KCNK3: variants seen among roughly 807,000 people sequenced by gnomAD.
KCNK3 encodes the protein potassium channel subfamily K member 3.
A neutral mutation model predicts 27.3 loss-of-function variants in KCNK3; 9 were observed. That is an observed-to-expected ratio of 0.33 (90% CI 0.20 to 0.57). KCNK3 has a LOEUF of 0.57. Among genes scored for constraint, KCNK3 ranks in the 20% least tolerant of loss-of-function variants. KCNK3 has a pLI of 0.87. For missense variants in KCNK3, 391 were observed against 577.7 expected (o/e 0.68, Z 3.31); for synonymous variants, 278 against 273.8 (o/e 1.02, Z -0.15).
At chr2:26,696,816 C>T (rs1670241017) in intron 1 of KCNK3, among the ~76,000 whole-genome samples, 1 of 152,158 alleles carries the variant, frequency 6.6e-6, no homozygotes. Flanking sequence ...GATAAGGAGT[C>T]AGAGAGGTGA....
At chr2:26,700,974 G>A (rs1335501822) in intron 1 of KCNK3, among the ~76,000 whole-genome samples, 2 of 152,202 alleles carry the variant, frequency 1.3e-5, no homozygotes, top group Non-Finnish European at 2.9e-5. Context: ...AAACTGTAAT[G>A]TGCAGGGAAT....
intron 1 of KCNK3, among the ~76,000 whole-genome samples, chr2:26,701,896 C>T (rs1017996565): frequency 3.9e-5 from 6 of 152,150 alleles, no homozygotes; most frequent in Admixed American, 2.6e-4. Flanking sequence ...GCCAAGAAAG[C>T]GCCACTGTAC....
intron 1 of KCNK3, among the ~76,000 whole-genome samples, chr2:26,723,761 C>T (rs761439658): frequency 5.3e-5 from 8 of 152,144 alleles, no homozygotes; most frequent in Non-Finnish European, 1.0e-4. Flanking sequence ...ACCTTAAAAC[C>T]TATGTTGGAT....
Position 26,700,736 on chromosome 2 carries a change from TCATCATCATCAC to T in KCNK3, c.283+7590_283+7601del, listed in dbSNP as rs797015381. 1.4e-4 allele frequency among the ~76,000 whole-genome samples: 21 copies of T among 151,502 alleles called. No individual in the cohort carries two copies. In the East Asian group the frequency reaches 1.9e-3, roughly 14 times the overall value. On this transcript the variant is annotated intron_variant, in intron 1 of 1. Coordinates refer to ENST00000302909, the MANE Select transcript of KCNK3 (RefSeq NM_002246.3). ...CTCTTCATCATCATCATCACCATCA[TCATCATCATCAC>T]CATCATCATCATCATCACCATCATC...
chr2:26,705,289 G>A (rs1055432312), intron 1 of KCNK3, among the ~76,000 whole-genome samples: 6 of 152,142 alleles, frequency 3.9e-5, no homozygotes, highest in African/African-American at 1.2e-4. Flanking sequence ...CCATTTTACA[G>A]ATGAGAACAC....
chr2:26,706,864 C>A (rs961632839), intron 1 of KCNK3, among the ~76,000 whole-genome samples: 1 of 152,134 alleles, frequency 6.6e-6, no homozygotes, highest in Non-Finnish European at 1.5e-5. Flanking sequence ...CCTCTGCTCC[C>A]ACCTGGCTGT....
chr2:26,703,777 C>T (rs1241224184), intron 1 of KCNK3, among the ~76,000 whole-genome samples: 4 of 152,120 alleles, frequency 2.6e-5, no homozygotes, highest in Non-Finnish European at 5.9e-5. Context: ...GTACAGTGAC[C>T]CAAAGAAGGG....
chr2:26,714,977 C>T (rs1663202519), intron 1 of KCNK3, among the ~76,000 whole-genome samples: 1 of 152,216 alleles, frequency 6.6e-6, no homozygotes. Flanking sequence ...GGCCCCAGCC[C>T]AGAGACCCTG....
intron 1 of KCNK3, among the ~76,000 whole-genome samples, chr2:26,720,794 G>A (rs1031633931): frequency 5.9e-5 from 9 of 152,094 alleles, no homozygotes; most frequent in African/African-American, 2.2e-4. Context: ...AGAAGAAGCG[G>A]ATAGGTGCTG....
chr2:26,727,644 T>A (rs779165652), intron 1 of KCNK3, 23 bp from the exon 2 acceptor site: 2 of 1,511,408 alleles, frequency 1.3e-6, no homozygotes, highest in Non-Finnish European at 1.8e-6. Context: ...GTGCTTTTTC[T>A]CCTCTTTCCC....
chr2:26,700,029 G>A (rs893715693), intron 1 of KCNK3, among the ~76,000 whole-genome samples: 4 of 152,206 alleles, frequency 2.6e-5, no homozygotes, highest in Admixed American at 6.5e-5. Context: ...TCTATGCAGG[G>A]TGCTCAGTTG....
At chr2:26,699,709 A>G (rs1461937239) in intron 1 of KCNK3, among the ~76,000 whole-genome samples, 1 of 152,046 alleles carries the variant, frequency 6.6e-6, no homozygotes, top group East Asian at 1.9e-4. Context: ...CTCCCTCTCC[A>G]CCTTGGACAC....
chr2:26,710,654 G>T (rs1243678595), intron 1 of KCNK3, among the ~76,000 whole-genome samples: 1 of 152,160 alleles, frequency 6.6e-6, no homozygotes, highest in Non-Finnish European at 1.5e-5. Context: ...TGGTCTCTGG[G>T]ATAAAGGAGG....
rs907957867 is a variant in KCNK3, at chr2:26,728,931, G to C, written c.*363G>C. The C allele has an allele frequency of 4.6e-6, 1 of 218,548 alleles. No individual in the cohort carries two copies. The highest frequency in any genetic ancestry group is 5.8e-5 in the Admixed American group (1 of 17,326). 13.5% of individuals were successfully genotyped at this position (218,548 alleles called of 1,614,324 possible). A position where few individuals can be genotyped will look rare whatever the true frequency, so the allele number is the denominator to read the frequency against. ...ACCTTCGGAGGGGACTTCATGTTCC[G>C]TGTACGTTTGCATCTCTATTTATAC... is the stretch of plus-strand genomic sequence containing the variant. On this transcript the variant is annotated 3_prime_UTR_variant, in exon 2 of 2. Coordinates refer to ENST00000302909, the MANE Select transcript of KCNK3 (RefSeq NM_002246.3).
intron 1 of KCNK3, among the ~76,000 whole-genome samples, chr2:26,727,181 C>T (rs891228743): frequency 1.3e-5 from 2 of 152,152 alleles, no homozygotes; most frequent in Non-Finnish European, 2.9e-5. Context: ...TTCAGGGCAA[C>T]CACCTCACCT....
Position 26,720,310 on chromosome 2 carries a change from C to G in KCNK3, c.284-7357C>G, listed in dbSNP as rs116026386. ...GAGTGGGTTGAACTACGTTGTCACA[C>G]CAGGACTGATCGCTCCTAAGGTCCC... On this transcript the variant is annotated intron_variant, in intron 1 of 1. Coordinates refer to ENST00000302909, the MANE Select transcript of KCNK3 (RefSeq NM_002246.3). 2.3e-3 allele frequency among the ~76,000 whole-genome samples: 352 copies of G among 152,282 alleles called. 5 individuals are homozygous for G. The highest frequency in any genetic ancestry group is 8.0e-3 in the African/African-American group (332 of 41,560).
rs767249538 is a variant in KCNK3, at chr2:26,728,430, G to A, written c.1047G>A (p.Gly349=). 2.5e-5 allele frequency: 40 copies of A among 1,591,512 alleles called. No homozygotes were observed. In the South Asian group the frequency reaches 4.3e-4, roughly 17 times the overall value. Residue 349 remains glycine (G), a synonymous_variant, in exon 2 of 2, where the codon GGG becomes GGA. Coordinates refer to ENST00000302909, the MANE Select transcript of KCNK3 (RefSeq NM_002246.3). ...AGCAGAGCCACTCGTCGCCGGGAGGGGGCGGCCGCTACAGCGACACGCCCT... is the reference window on the plus strand; with the variant it reads ...AGCAGAGCCACTCGTCGCCGGGAGGAGGCGGCCGCTACAGCGACACGCCCT... ...CVEQSHSSPG[G]GGRYSDTPSR... is the part of the protein sequence containing the mutation.
rs561107837 is a variant in KCNK3, at chr2:26,708,045, G to A, written c.283+14887G>A. On this transcript the variant is annotated intron_variant, in intron 1 of 1. Coordinates refer to ENST00000302909, the MANE Select transcript of KCNK3 (RefSeq NM_002246.3). ...AAAAGAGCAGCCCCTGTTCTCATGG[G>A]GCCACTTTAGAGGAAGTAGAGAGTC... Among the ~76,000 whole-genome samples the A allele has an allele frequency of 6.6e-5, 10 of 152,214 alleles. No individual in the cohort carries two copies. In the South Asian group the frequency reaches 2.1e-3, roughly 32 times the overall value.
chr2:26,728,139 G>GGACGAGAAGCGCGAC lies in KCNK3; in HGVS notation c.758_772dup (p.Asp253_Asp257dup), dbSNP rs1225096998. 6.3e-7 allele frequency: 1 copy of GGACGAGAAGCGCGAC among 1,598,004 alleles called. No individual in the cohort carries two copies. The highest frequency in any genetic ancestry group is 8.5e-7 in the Non-Finnish European group (1 of 1,172,452). On this transcript the variant is annotated inframe_insertion, in exon 2 of 2. Transcript: ENST00000302909. ...TGCGCTTCATGACCATGAACGCCGA[G>GGACGAGAAGCGCGAC]GACGAGAAGCGCGACGCCGAGCACC...
Sources: gnomAD v4.1 joint callset for allele counts (sites outside exome capture counted in the v4.1 genomes callset) on GRCh38, gnomAD v4.1.1 for gene constraint, MANE v1.5 for transcripts, NCBI Gene and HGNC (gene_info 2026-07-23, HGNC 2026-07-21) for gene names.